The following ZFAND1 variants were observed in gnomAD, a reference collection of about 807,000 sequenced individuals.
The protein encoded by ZFAND1 is AN1-type zinc finger protein 1.
ZFAND1 carries 40 observed loss-of-function variants against 38.5 expected under a neutral mutation model. That is an observed-to-expected ratio of 1.04 (90% CI 0.81 to 1.35). The LOEUF is 1.35. Among genes scored for constraint, ZFAND1 ranks in the 40% most tolerant of loss-of-function variants. The pLI, the probability that ZFAND1 is intolerant of heterozygous loss-of-function variation, is 0.00. For missense variants in ZFAND1, 346 were observed against 316.3 expected (o/e 1.09, Z -0.71); for synonymous variants, 117 against 103.6 (o/e 1.13, Z -0.78).
At position 81,710,945 on chromosome 8, in the gene ZFAND1, CAGAA is replaced by C. The variant is rs554632928; in HGVS notation, c.480+2969_480+2972del. 3.7e-3 allele frequency among the ~76,000 whole-genome samples: 556 copies of C among 152,144 alleles called. 3 individuals carry two copies. Among genetic ancestry groups the C allele is most frequent in the Non-Finnish European group, 5.2e-3 (353 of 67,998 alleles). On this transcript the variant is annotated intron_variant, in intron 6 of 7. Transcript: ENST00000220669. ...CACATATACATATGGTACATATAGA[CAGAA>C]AGAGACAGCAGATGATAAAGCAAAC... is the stretch of plus-strand genomic sequence containing the variant.
At chr8:81,713,255 T>TGA (rs1563607650) in intron 6 of ZFAND1, among the ~76,000 whole-genome samples, 2 of 99,934 alleles carry the variant, frequency 2.0e-5, no homozygotes. Context: ...CCCGAGTAGC[T>TGA]GGGACTACAG....
intron 1 of ZFAND1, 50 bp downstream of exon 1, chr8:81,721,177 A>C: frequency 6.5e-7 from 1 of 1,542,274 alleles, no homozygotes. Flanking sequence ...GCCAAAGCGG[A>C]GCCCTGGTCT....
intron 1 of ZFAND1, chr8:81,721,015 C>T: frequency 5.2e-6 from 3 of 578,786 alleles, no homozygotes; most frequent in Admixed American, 6.1e-5. Context: ...GGCTTCCTTC[C>T]AAGGAGACCA....
intron 6 of ZFAND1, among the ~76,000 whole-genome samples, chr8:81,704,943 T>C (rs2130387610): frequency 6.9e-6 from 1 of 145,262 alleles, no homozygotes; most frequent in East Asian, 2.7e-4. Flanking sequence ...TGATAAGATA[T>C]AGCCTTATCT....
chr8:81,718,131 A>G (rs767444903), intron 2 of ZFAND1, 51 bp downstream of exon 2: 2 of 1,405,074 alleles, frequency 1.4e-6, no homozygotes, highest in East Asian at 2.4e-5. Context: ...ATAACCTCAT[A>G]TTAATAAACA....
intron 6 of ZFAND1, 90 bp from the exon 7 acceptor site, chr8:81,703,214 G>A: frequency 1.1e-6 from 1 of 905,194 alleles, no homozygotes; most frequent in Non-Finnish European, 1.6e-6. Flanking sequence ...CTTCTGGTCA[G>A]AGCAGAATTA....
At chr8:81,718,420 T>C (rs1808377162) in intron 1 of ZFAND1, among the ~76,000 whole-genome samples, 196 bp from the exon 2 acceptor site, 1 of 152,088 alleles carries the variant, frequency 6.6e-6, no homozygotes, top group Non-Finnish European at 1.5e-5. Context: ...ACATAAGGTA[T>C]TAATAGATGT....
At chr8:81,704,457 G>A (rs539144085) in intron 6 of ZFAND1, among the ~76,000 whole-genome samples, 2 of 149,858 alleles carry the variant, frequency 1.3e-5, no homozygotes, top group South Asian at 4.2e-4. Context: ...AGGATCACTT[G>A]AGCCCAAGAA....
At position 81,714,031 on chromosome 8, in the gene ZFAND1, T is replaced by C. The variant is rs1259290855; in HGVS notation, c.367A>G (p.Thr123Ala). 5 of 1,606,008 alleles carry C rather than the reference T, an allele frequency of 3.1e-6. No individual in the cohort carries two copies. The highest frequency in any genetic ancestry group is 1.7e-4 in the Middle Eastern group (1 of 6,030). Residue 123 changes from threonine to alanine, a missense_variant, in exon 6 of 8, where the codon ACA becomes GCA. By Grantham distance (58) the Thr-to-Ala change is moderately conservative. Coordinates refer to ENST00000220669, the MANE Select transcript of ZFAND1 (RefSeq NM_024699.3). ...CATCGTTTACTTGCTGTTTCTCCTG[T>C]CTTGGAATCTAAGAAGTGTAAGCAT... ...KLVKDIIDSK[T>A]GETASKRWKG...
At chr8:81,705,746 C>G (rs1257695774) in intron 6 of ZFAND1, among the ~76,000 whole-genome samples, 1 of 152,216 alleles carries the variant, frequency 6.6e-6, no homozygotes, top group Non-Finnish European at 1.5e-5. Context: ...CATGGCAAAA[C>G]CCCGTCTCTT....
intron 5 of ZFAND1, 93 bp from the exon 6 acceptor site, chr8:81,714,132 T>C (rs1419164861): frequency 5.8e-6 from 7 of 1,215,634 alleles, no homozygotes; most frequent in South Asian, 1.6e-5. Flanking sequence ...CAGAAACATA[T>C]ATAAATTACA....
chr8:81,713,985 T>C lies in ZFAND1; in HGVS notation c.413A>G (p.Glu138Gly). 6.2e-7 allele frequency: 1 copy of C among 1,612,772 alleles called. No homozygotes were observed. The highest frequency in any genetic ancestry group is 1.1e-5 in the South Asian group (1 of 90,738). Residue 138 changes from glutamate to glycine, a missense_variant, in exon 6 of 8, where the codon GAA becomes GGA. Coordinates refer to ENST00000220669, the MANE Select transcript of ZFAND1 (RefSeq NM_024699.3). ...CATCAATGCAACCTTTGCAGCTGTT[T>C]CACTATTTTTGGCACCTTTCCATCG... ...SKRWKGAKNS[E>G]TAAKVALMKL...
chr8:81,714,731 A>C, intron 5 of ZFAND1, 73 bp downstream of exon 5: 1 of 1,326,664 alleles, frequency 7.5e-7, no homozygotes, highest in Non-Finnish European at 1.1e-6. Flanking sequence ...GCCTCCCATA[A>C]TTGGAAAGTA....
At chr8:81,714,123 A>T in intron 5 of ZFAND1, 84 bp from the exon 6 acceptor site, 1 of 1,272,802 alleles carries the variant, frequency 7.9e-7, no homozygotes, top group Non-Finnish European at 1.1e-6. Context: ...ATTATGGCTC[A>T]GAAACATATA....
At chr8:81,715,208 C>T in intron 3 of ZFAND1, 94 bp from the exon 4 acceptor site, 1 of 1,404,520 alleles carries the variant, frequency 7.1e-7, no homozygotes, top group Non-Finnish European at 9.7e-7. Flanking sequence ...TTTATTTTTG[C>T]TTAAACTTAT....
In ZFAND1 at chr8:81,715,000, T is replaced by A; in HGVS notation, c.253A>T (p.Asn85Tyr). The change falls in exon 4 of 8, where the codon AAT (asparagine) becomes TAT (tyrosine). Residue 85 changes from asparagine to tyrosine, a missense_variant. Coordinates refer to ENST00000220669, the MANE Select transcript of ZFAND1 (RefSeq NM_024699.3). ...VAVICPYCEK[N>Y]FCLRHRHQSD... The stretch of plus-strand genomic sequence containing the variant: ...GTGATCAATCACCTCAGGCAAAAAT[T>A]CTTCTCACAATAAGGACATATAACT... The A allele has an allele frequency of 6.2e-7, 1 of 1,613,998 alleles. No homozygotes were observed. Among genetic ancestry groups the A allele is most frequent in the Non-Finnish European group, 8.5e-7 (1 of 1,179,912 alleles).
chr8:81,703,392 G>C (rs1807871460), intron 6 of ZFAND1, among the ~76,000 whole-genome samples: 1 of 150,118 alleles, frequency 6.7e-6, no homozygotes, highest in African/African-American at 2.5e-5. Flanking sequence ...ATGTTCAACA[G>C]CTTAGGAGAC....
At position 81,718,236 on chromosome 8, in the gene ZFAND1, A is replaced by G; in HGVS notation, c.56-12T>C. The G allele has an allele frequency of 6.4e-7, 1 of 1,568,478 alleles. No homozygotes were observed. Among genetic ancestry groups the G allele is most frequent in the Non-Finnish European group, 8.7e-7 (1 of 1,155,990 alleles). On this transcript the variant is annotated splice_polypyrimidine_tract_variant and intron_variant, in intron 1 of 7. Coordinates refer to ENST00000220669, the MANE Select transcript of ZFAND1 (RefSeq NM_024699.3). ...AAATGGAAGAAAATCTAAAATTGAG[A>G]GAAAATGTATATACTGGTCAGTATC...
At chr8:81,707,253 C>T (rs1322921824) in intron 6 of ZFAND1, among the ~76,000 whole-genome samples, 1 of 152,106 alleles carries the variant, frequency 6.6e-6, no homozygotes, top group Non-Finnish European at 1.5e-5. Flanking sequence ...ATCCTCAGGA[C>T]ATAAAAAAGG....
Sources: allele counts gnomAD v4.1 joint callset (sites outside exome capture counted in the v4.1 genomes callset), GRCh38; gene constraint gnomAD v4.1.1; transcripts MANE v1.5; gene names NCBI Gene and HGNC (gene_info 2026-07-23, HGNC 2026-07-21).